PRKAR1A: variants seen among roughly 807,000 people sequenced by gnomAD.
PRKAR1A encodes the protein cAMP-dependent protein kinase type I-alpha regulatory subunit.
In PRKAR1A, 3 loss-of-function variants were observed where a neutral mutation model predicts 52.0. The ratio of observed to expected loss-of-function variants is 0.06; its 90% confidence interval spans 0.03 to 0.15. The LOEUF (loss-of-function observed/expected upper bound fraction) is 0.15. Among genes scored for constraint, PRKAR1A ranks in the 10% least tolerant of loss-of-function variants. PRKAR1A has a pLI of 1.00. For missense variants in PRKAR1A, 240 were observed against 477.4 expected (o/e 0.50, Z 4.63); for synonymous variants, 188 against 168.4 (o/e 1.12, Z -0.90).
the PRKAR1A span, among the ~76,000 whole-genome samples, chr17:68,469,023 C>T: frequency 2.9e-3 from 441 of 152,286 alleles, 2 homozygotes; most frequent in African/African-American, 9.9e-3. Flanking sequence ...ACTTTCATCC[C>T]AGGGAACATC....
chr17:68,503,914 A>T, the PRKAR1A span, among the ~76,000 whole-genome samples: 1 of 152,226 alleles, frequency 6.6e-6, no homozygotes, highest in Non-Finnish European at 1.5e-5. Flanking sequence ...GATGTGCAGA[A>T]AAGGGAAACT....
In PRKAR1A at chr17:68,530,909, G is replaced by A. The variant is rs1159910037; in HGVS notation, c.*460G>A. 8 of 1,113,732 alleles carry A rather than the reference G, an allele frequency of 7.2e-6. No individual in the cohort carries two copies. In the South Asian group the frequency reaches 1.8e-4, roughly 24 times the overall value. 69.0% of individuals were successfully genotyped at this position (1,113,732 alleles called of 1,614,324 possible). Reference sequence around the variant, plus strand: ...TTCTCATTAAACTCTAAAGATTAGGGAAAATGGATATAGAAAATCTTAGTA... The same window carrying A: ...TTCTCATTAAACTCTAAAGATTAGGAAAAATGGATATAGAAAATCTTAGTA... On this transcript the variant is annotated 3_prime_UTR_variant, in exon 11 of 11. Coordinates refer to ENST00000589228, the MANE Select transcript of PRKAR1A (RefSeq NM_002734.5).
chr17:68,486,548 T>TCTTTCTTTCTTTCTTC, the PRKAR1A span, among the ~76,000 whole-genome samples: 3 of 136,058 alleles, frequency 2.2e-5, no homozygotes. Context: ...TTTCTTTCTT[T>TCTTTCTTTCTTTCTTC]CTTTCTTTCT....
chr17:68,495,515 G>A, the PRKAR1A span, among the ~76,000 whole-genome samples: 1 of 152,026 alleles, frequency 6.6e-6, no homozygotes, highest in African/African-American at 2.4e-5. Context: ...AATTCTTGTT[G>A]AGCTTTCAAA....
chr17:68,527,966 T>C (rs1015638514), intron 8 of PRKAR1A, 66 bp downstream of exon 8: 11 of 1,391,990 alleles, frequency 7.9e-6, no homozygotes, highest in Middle Eastern at 1.8e-4. Context: ...TTGGATGGAC[T>C]TGGGAAAAGC....
intron 2 of PRKAR1A, among the ~76,000 whole-genome samples, chr17:68,519,483 T>C (rs777160791): frequency 6.6e-6 from 1 of 152,182 alleles, no homozygotes; most frequent in Non-Finnish European, 1.5e-5. Context: ...TAACCACCCC[T>C]GTGATTAAAT....
rs781219513 is a variant in PRKAR1A at position 68,523,797 on chromosome 17, C to G, written c.421C>G (p.Leu141Val). 1 of 1,613,792 alleles carries G rather than the reference C, an allele frequency of 6.2e-7. No homozygotes were observed. Among genetic ancestry groups the G allele is most frequent in the Non-Finnish European group, 8.5e-7 (1 of 1,179,828 alleles). Reference protein sequence around the residue: ...AIEKNVLFSHLDDNERSDIFD... With the variant: ...AIEKNVLFSHVDDNERSDIFD... Reference sequence around the variant, plus strand: ...TGAAAAGAATGTGCTGTTTTCACATCTTGATGATAATGAGAGAAGGTAGGA... The same window carrying G: ...TGAAAAGAATGTGCTGTTTTCACATGTTGATGATAATGAGAGAAGGTAGGA... Residue 141 changes from leucine to valine, a missense_variant, in exon 4 of 11, where the codon CTT (leucine) becomes GTT (valine). Coordinates refer to ENST00000589228, the MANE Select transcript of PRKAR1A (RefSeq NM_002734.5).
At chr17:68,484,199 C>T in the PRKAR1A span, among the ~76,000 whole-genome samples, 1 of 152,224 alleles carries the variant, frequency 6.6e-6, no homozygotes, top group Non-Finnish European at 1.5e-5. Context: ...GCAATACTGA[C>T]TGTTTTGGCA....
At position 68,548,268 on chromosome 17, in the gene PRKAR1A, G is replaced by A. The variant is rs569775747; in HGVS notation, c.974-2816G>A. 7.2e-5 allele frequency among the ~76,000 whole-genome samples: 11 copies of A among 152,064 alleles called. No homozygotes were observed. In the East Asian group the frequency reaches 1.7e-3, roughly 24 times the overall value. On this transcript the variant is annotated intron_variant, in intron 11 of 11. Coordinates refer to the PRKAR1A transcript ENST00000585981. ...AAATTAGCTGGGCATGGTGGCACAC[G>A]CCTATAATCCCAGCACTTTGGGAGG...
chr17:68,467,746 T>G, the PRKAR1A span, among the ~76,000 whole-genome samples: 23 of 152,204 alleles, frequency 1.5e-4, no homozygotes, highest in African/African-American at 5.5e-4. Context: ...TTTCCAATCT[T>G]ATCTTTCATT....
intron 11 of PRKAR1A, among the ~76,000 whole-genome samples, chr17:68,538,618 A>G (rs1021015225): frequency 6.6e-6 from 1 of 152,250 alleles, no homozygotes; most frequent in Non-Finnish European, 1.5e-5. Context: ...CAGTCTGCAC[A>G]GGTTTACAGG....
the PRKAR1A span, chr17:68,428,371 G>GGTTGT: frequency 5.8e-6 from 1 of 171,216 alleles, no homozygotes; most frequent in East Asian, 1.7e-4. Context: ...TGGGACTACA[G>GGTTGT]GTGTGTGCCA....
intron 9 of PRKAR1A, 47 bp from the exon 10 acceptor site, chr17:68,529,873 G>C (rs374688027): frequency 9.5e-5 from 150 of 1,572,742 alleles, no homozygotes; most frequent in Non-Finnish European, 1.2e-4. Flanking sequence ...TGCCACCCTG[G>C]GTTTGAGAGT....
chr17:68,529,823 A>G, intron 9 of PRKAR1A, 97 bp from the exon 10 acceptor site: 1 of 1,128,648 alleles, frequency 8.9e-7, no homozygotes, highest in South Asian at 1.2e-5. Flanking sequence ...TCATATGCAC[A>G]CATTTGCAAG....
At chr17:68,497,460 C>T in the PRKAR1A span, among the ~76,000 whole-genome samples, 1 of 152,192 alleles carries the variant, frequency 6.6e-6, no homozygotes, top group African/African-American at 2.4e-5. Context: ...TCACTAGCTA[C>T]AGCTGGCACT....
Position 68,515,472 on chromosome 17 carries a change from C to T in PRKAR1A, c.73C>T (p.His25Tyr), listed in dbSNP as rs140795787. Residue 25 changes from histidine (H) to tyrosine (Y), a missense_variant, in exon 2 of 11, where the codon CAT (histidine) becomes TAT (tyrosine). His to Tyr is a moderately conservative substitution (Grantham distance 83). Transcript: ENST00000589228. ...LRECELYVQKHNIQALLKDSI... is the reference protein window; with the variant it reads ...LRECELYVQKYNIQALLKDSI... ...AGAATGTGAGCTCTACGTCCAGAAG[C>T]ATAACATTCAAGCGCTGCTCAAAGA... is the stretch of plus-strand genomic sequence containing the variant. 4 of 1,613,542 alleles carry T rather than the reference C, an allele frequency of 2.5e-6. No individual in the cohort carries two copies. In the African/African-American group the frequency reaches 4.0e-5, roughly 16 times the overall value.
chr17:68,425,908 G>A, the PRKAR1A span: 15 of 611,746 alleles, frequency 2.5e-5, no homozygotes, highest in African/African-American at 1.7e-4. Flanking sequence ...TGTAGGATTC[G>A]AAGCACACAG....
At chr17:68,430,071 A>C in the PRKAR1A span, 1 of 1,614,192 alleles carries the variant, frequency 6.2e-7, no homozygotes, top group Admixed American at 1.7e-5. Flanking sequence ...CTGATGCATC[A>C]TGTCTGACAC....
chr17:68,417,656 G>C, the PRKAR1A span, among the ~76,000 whole-genome samples: 1 of 146,324 alleles, frequency 6.8e-6, no homozygotes, highest in African/African-American at 2.5e-5. Context: ...CTATTTGCTT[G>C]TCTGTCTCTC....
Sources: gnomAD v4.1 joint callset for allele counts (sites outside exome capture counted in the v4.1 genomes callset) on GRCh38, gnomAD v4.1.1 for gene constraint, MANE v1.5 for transcripts, NCBI Gene and HGNC (gene_info 2026-07-23, HGNC 2026-07-21) for gene names.